PKD1L3: variants seen among roughly 807,000 people sequenced by gnomAD.
The protein encoded by PKD1L3 is polycystin 1 like 3, transient receptor potential channel interacting, also known as polycystin-1-like protein 3.
Under a neutral mutation model 184.1 loss-of-function variants are expected in PKD1L3, and 239 were observed. The observed-to-expected ratio is 1.30, with a 90% CI of 1.17 to 1.45. The LOEUF is 1.45. Among genes scored for constraint, PKD1L3 ranks in the 40% most tolerant of loss-of-function variants. The pLI is 0.00. For synonymous variants in PKD1L3, 996 were observed against 778.8 expected (o/e 1.28, Z -4.64); for missense variants, 2,660 against 2,067.2 (o/e 1.29, Z -5.56).
rs1349713077 is a variant in PKD1L3 at position 71,950,125 on chromosome 16, G to A, written c.3376C>T (p.Pro1126Ser). 3 of 1,551,756 alleles carry A rather than the reference G, an allele frequency of 1.9e-6. No homozygotes were observed. Among genetic ancestry groups the A allele is most frequent in the Non-Finnish European group, 2.6e-6 (3 of 1,146,844 alleles). The change falls in exon 20 of 30, where the codon CCA becomes TCA. Residue 1126 changes from proline (P) to serine (S), a missense_variant. By Grantham distance (74) the Pro-to-Ser change is moderately conservative. Transcript: ENST00000620267. ...ETHILPTEQE[P>S]SREVTSFAIL... ...CTTGGTGTGGTGCATTACCTGGATG[G>A]CTCTTGCTCCGTGGGAAGAATATGT...
rs927117202 is a variant in PKD1L3, at chr16:71,935,307, A to G, written c.4613+51T>C. ...GAAGAATACTTGTGTATAAACAGGA[A>G]ACTTTAGACATGAGGTAGGAATATG... On this transcript the variant is annotated intron_variant, in intron 26 of 29. Coordinates refer to ENST00000620267, the MANE Select transcript of PKD1L3 (RefSeq NM_181536.2). The G allele has an allele frequency of 1.5e-5, 22 of 1,500,962 alleles. No individual in the cohort carries two copies. The Admixed American group carries it at 4.8e-4, about 33-fold the overall frequency. The allele number at this position is 1,500,962 out of a possible 1,614,324, so 93.0% of individuals were successfully genotyped here. A position where few individuals can be genotyped will look rare whatever the true frequency, so the allele number is the denominator to read the frequency against.
intron 15 of PKD1L3, among the ~76,000 whole-genome samples, chr16:71,964,948 G>A (rs1174840672): frequency 6.6e-6 from 1 of 151,286 alleles, no homozygotes; most frequent in Non-Finnish European, 1.5e-5. Flanking sequence ...TTGGGCTCAA[G>A]TGATTCTCCC....
intron 15 of PKD1L3, among the ~76,000 whole-genome samples, chr16:71,966,067 G>A (rs933997175): frequency 3.3e-5 from 5 of 152,022 alleles, no homozygotes; most frequent in African/African-American, 1.2e-4. Flanking sequence ...TACCAGCCCA[G>A]TGGCTGGTAT....
chr16:71,968,858 T>G (rs1335376983), intron 13 of PKD1L3, among the ~76,000 whole-genome samples: 1 of 147,398 alleles, frequency 6.8e-6, no homozygotes, highest in African/African-American at 2.5e-5. Flanking sequence ...GGCCTCCCAG[T>G]GTGCTGGGAT....
intron 25 of PKD1L3, among the ~76,000 whole-genome samples, chr16:71,936,582 C>T (rs1298476161): frequency 8.8e-5 from 13 of 147,388 alleles, no homozygotes; most frequent in African/African-American, 3.0e-4. Context: ...TGCAAGGGCG[C>T]GATCTCGGCT....
intron 5 of PKD1L3, among the ~76,000 whole-genome samples, chr16:71,985,733 A>AT (rs1177384882): frequency 6.6e-6 from 1 of 152,034 alleles, no homozygotes. Flanking sequence ...TGCCTGGCTA[A>AT]TTTTTTTGAA....
chr16:71,991,551 A>G (rs1427376373), intron 3 of PKD1L3, among the ~76,000 whole-genome samples: 1 of 152,216 alleles, frequency 6.6e-6, no homozygotes, highest in East Asian at 1.9e-4. Context: ...GATAAATGTA[A>G]GGTGCTCTCC....
rs1250474087 is a variant in PKD1L3, at chr16:71,942,650, A to G, written c.4234T>C (p.Ser1412Pro). The G allele has an allele frequency of 6.4e-7, 1 of 1,551,740 alleles. No individual in the cohort carries two copies. Among genetic ancestry groups the G allele is most frequent in the Non-Finnish European group, 8.7e-7 (1 of 1,147,018 alleles). ...LHLRRFSYIC[S>P]PRPMVLIPTD... ...GGAATCAGCACCATGGGCCTGGGTG[A>G]ACAGATGTAACTGAACCTCCTTAGA... Residue 1412 changes from serine to proline, a missense_variant, in exon 24 of 30, where the codon TCA becomes CCA. Transcript: ENST00000620267.
intron 25 of PKD1L3, among the ~76,000 whole-genome samples, chr16:71,935,927 C>T (rs1420275701): frequency 1.3e-5 from 2 of 152,052 alleles, no homozygotes; most frequent in African/African-American, 4.8e-5. Flanking sequence ...TCCCAAGTAG[C>T]AGGGACCACG....
At chr16:71,973,221 G>C (rs1320285116) in intron 12 of PKD1L3, 103 bp downstream of exon 12, 8 of 1,334,918 alleles carry the variant, frequency 6.0e-6, no homozygotes, top group Non-Finnish European at 7.1e-6. Context: ...CAAACCACCT[G>C]ATTATTTTTC....
intron 4 of PKD1L3, among the ~76,000 whole-genome samples, chr16:71,989,041 GCC>G (rs1317932030): frequency 1.3e-5 from 2 of 152,178 alleles, no homozygotes; most frequent in Non-Finnish European, 2.9e-5. Context: ...TTTTTCAAAT[GCC>G]TTTAACTGAA....
chr16:71,974,966 C>T (rs1231626247), intron 11 of PKD1L3, among the ~76,000 whole-genome samples: 1 of 152,120 alleles, frequency 6.6e-6, no homozygotes, highest in South Asian at 2.1e-4. Context: ...AAGTGTAGCT[C>T]TTATTAAGAC....
chr16:71,954,016 G>T (rs1459667010), intron 17 of PKD1L3, 89 bp downstream of exon 17: 8 of 1,166,736 alleles, frequency 6.9e-6, no homozygotes, highest in South Asian at 3.9e-5. Context: ...AGGAGTTCTA[G>T]ACCAGCCTGG....
rs529988302 is a variant in PKD1L3, at chr16:71,998,118, C to T, written c.418+154G>A. On this transcript the variant is annotated intron_variant, in intron 2 of 29. Transcript: ENST00000620267. ...CAAGGAAGTCACTCCAGATAATTTTCTCATGCTAATCAGCATCATGAAAAT... is the reference window on the plus strand; with the variant it reads ...CAAGGAAGTCACTCCAGATAATTTTTTCATGCTAATCAGCATCATGAAAAT... Among the ~76,000 whole-genome samples the T allele has an allele frequency of 2.0e-5, 3 of 152,372 alleles. No individual in the cohort carries two copies. In the South Asian group the frequency reaches 6.2e-4, roughly 32 times the overall value.
Position 71,963,258 on chromosome 16 carries a change from A to T in PKD1L3, c.2559T>A (p.Cys853Ter). The T allele has an allele frequency of 1.3e-6, 2 of 1,542,020 alleles. No individual in the cohort carries two copies. The highest frequency in any genetic ancestry group is 1.8e-6 in the Non-Finnish European group (2 of 1,139,772). ...CTGGGATGAAGACCCGGTCAAGCTC[A>T]CAGTCTCCGAGGTCCACAGCCAGCC... ...NCWLAVDLGD[C>*]ELDRVFIPVS... The change falls in exon 16 of 30, where the codon TGT (cysteine) becomes TGA (stop). Residue 853 changes from cysteine to a stop codon, truncating the protein, a stop_gained. Transcript: ENST00000620267. LOFTEE classifies it high-confidence loss of function.
chr16:71,960,176 A>G (rs919146129), intron 16 of PKD1L3, among the ~76,000 whole-genome samples: 2 of 152,018 alleles, frequency 1.3e-5, no homozygotes, highest in Admixed American at 1.3e-4. Context: ...TTAAAAAAAA[A>G]AAACCAAAAA....
rs956087776 is a variant in PKD1L3, at chr16:71,975,296, G to C, written c.1760-1779C>G. Reference sequence around the variant, plus strand: ...TAGTCTCAAATTCCTGGGCTTAAGTGATCCTCCTGCCTTGGCCTCTCAAAG... The same window carrying C: ...TAGTCTCAAATTCCTGGGCTTAAGTCATCCTCCTGCCTTGGCCTCTCAAAG... On this transcript the variant is annotated intron_variant, in intron 11 of 29. Coordinates refer to ENST00000620267, the MANE Select transcript of PKD1L3 (RefSeq NM_181536.2). Among the ~76,000 whole-genome samples the C allele has an allele frequency of 5.3e-5, 8 of 150,724 alleles. No homozygotes were observed. In the Admixed American group the frequency reaches 5.3e-4, roughly 10 times the overall value.
intron 5 of PKD1L3, 92 bp downstream of exon 5, chr16:71,986,129 C>T: frequency 6.9e-7 from 1 of 1,454,978 alleles, no homozygotes; most frequent in East Asian, 2.5e-5. Flanking sequence ...GTCAGGCATT[C>T]TTAGGTGTAG....
Position 71,993,448 on chromosome 16 carries a change from C to A in PKD1L3, c.419-116G>T, listed in dbSNP as rs548469460. On this transcript the variant is annotated intron_variant, in intron 2 of 29. Coordinates refer to ENST00000620267, the MANE Select transcript of PKD1L3 (RefSeq NM_181536.2). ...TCAGGAAAACACAAATTAAAAATTC[C>A]TATCCAGTTTTTTAAGGACACTAAG... 62 of 684,862 alleles carry A rather than the reference C, an allele frequency of 9.1e-5. No homozygotes were observed. In the African/African-American group the frequency reaches 1.0e-3, roughly 11 times the overall value. The allele number at this position is 684,862 out of a possible 1,614,324, so 42.4% of individuals were successfully genotyped here.
Sources: gnomAD v4.1 joint callset for allele counts (sites outside exome capture counted in the v4.1 genomes callset) on GRCh38, gnomAD v4.1.1 for gene constraint, MANE v1.5 for transcripts, NCBI Gene and HGNC (gene_info 2026-07-23, HGNC 2026-07-21) for gene names.